TMEM135: variants seen among roughly 807,000 people sequenced by gnomAD.
The protein encoded by TMEM135 is peroxisomal membrane protein 52.
TMEM135 carries 30 observed loss-of-function variants against 60.3 expected under a neutral mutation model. The ratio of observed to expected loss-of-function variants is 0.50; its 90% CI spans 0.37 to 0.68. The LOEUF is 0.68. Ranked by LOEUF, TMEM135 falls within the 30% of genes least tolerant of loss-of-function variation. The pLI is 0.00. For synonymous variants in TMEM135, 190 were observed against 186.7 expected (o/e 1.02, Z -0.14); for missense variants, 468 against 548.8 (o/e 0.85, Z 1.47).
At chr11:87,174,322 A>T (rs1415208627) in intron 5 of TMEM135, among the ~76,000 whole-genome samples, 2 of 152,286 alleles carry the variant, frequency 1.3e-5, no homozygotes, top group African/African-American at 4.8e-5. Context: ...TTCTATTAAC[A>T]TGATTCACTT....
intron 6 of TMEM135, among the ~76,000 whole-genome samples, chr11:87,286,982 TATA>T (rs991806236): frequency 3.9e-5 from 6 of 152,248 alleles, no homozygotes; most frequent in African/African-American, 1.2e-4. Flanking sequence ...AGATGGCTGA[TATA>T]ATCAGAATAG....
rs1489229625 is a variant in TMEM135 at position 87,247,095 on chromosome 11, G to C, written c.509+10411G>C. On this transcript the variant is annotated intron_variant, in intron 6 of 14. Transcript: ENST00000305494. ...AGACAGGACGCTCAGCTGCAGGTCT[G>C]TTGGAGTTTGCTAGAGGTCCACTCC... is the stretch of plus-strand genomic sequence containing the variant. Among the ~76,000 whole-genome samples the C allele has an allele frequency of 4.6e-5, 7 of 150,572 alleles. No individual in the cohort carries two copies. In the South Asian group the frequency reaches 6.4e-4, roughly 14 times the overall value.
chr11:87,314,445 C>T, intron 11 of TMEM135, 26 bp from the exon 12 acceptor site: 2 of 1,551,208 alleles, frequency 1.3e-6, no homozygotes, highest in Middle Eastern at 1.7e-4. Flanking sequence ...GCGATCTTAT[C>T]AGTTATTTCT....
intron 5 of TMEM135, among the ~76,000 whole-genome samples, chr11:87,158,613 C>T (rs1938770536): frequency 6.7e-6 from 1 of 148,354 alleles, no homozygotes; most frequent in South Asian, 2.2e-4. Context: ...AGGTGCCCGC[C>T]ACAACGCCCG....
intron 5 of TMEM135, among the ~76,000 whole-genome samples, chr11:87,209,741 A>T (rs1308698836): frequency 6.6e-6 from 1 of 152,148 alleles, no homozygotes; most frequent in African/African-American, 2.4e-5. Context: ...AACACATGTT[A>T]CATACTCTAA....
rs752802886 is a variant in TMEM135, at chr11:87,302,417, C to T, written c.673C>T (p.Leu225=). 8.1e-6 allele frequency: 13 copies of T among 1,613,760 alleles called. No individual in the cohort carries two copies. In the Admixed American group the frequency reaches 2.2e-4, roughly 27 times the overall value. ...ACCCGGAAGAATGAATATGATTGGTCTAGTCAGGAAATTTGTGGATTCAAT... is the reference window on the plus strand; with the variant it reads ...ACCCGGAAGAATGAATATGATTGGTTTAGTCAGGAAATTTGTGGATTCAAT... ...EKPGRMNMIG[L]VRKFVDSICK... Residue 225 remains leucine, a synonymous_variant, in exon 8 of 15, where the codon CTA becomes TTA. Transcript: ENST00000305494.
intron 14 of TMEM135, 53 bp downstream of exon 14, chr11:87,319,430 G>A (rs1046407014): frequency 7.7e-7 from 1 of 1,295,628 alleles, no homozygotes; most frequent in African/African-American, 1.5e-5. Context: ...TTATCTTTTT[G>A]AGGGAATATT....
At chr11:87,219,557 T>C (rs1940573914) in intron 5 of TMEM135, among the ~76,000 whole-genome samples, 1 of 152,132 alleles carries the variant, frequency 6.6e-6, no homozygotes, top group Non-Finnish European at 1.5e-5. Flanking sequence ...GAGCTCTCTC[T>C]GGTGTTGCTT....
At chr11:87,307,445 C>T (rs1005116485) in intron 9 of TMEM135, among the ~76,000 whole-genome samples, 2 of 151,132 alleles carry the variant, frequency 1.3e-5, no homozygotes, top group African/African-American at 4.9e-5. Context: ...TTTATTATTC[C>T]TTCCAACTGA....
rs11340916 is a variant in TMEM135 at position 87,276,665 on chromosome 11, ATTT to A, written c.510-19098_510-19096del. Among the ~76,000 whole-genome samples the A allele has an allele frequency of 2.4e-4, 28 of 115,634 alleles. 1 individual carries two copies. Among genetic ancestry groups the A allele is most frequent in the African/African-American group, 4.4e-4 (13 of 29,860 alleles). 75.9% of individuals were successfully genotyped at this position (115,634 alleles called of 152,430 possible). On this transcript the variant is annotated intron_variant, in intron 6 of 14. Transcript: ENST00000305494. ...AAAACTTCTTTTAGTGTGTTTGTGAATTTTTTTTTTTTTTTTTTTTTGAGATGG... is the reference window on the plus strand; with the variant it reads ...AAAACTTCTTTTAGTGTGTTTGTGAATTTTTTTTTTTTTTTTTTGAGATGG...
At position 87,236,546 on chromosome 11, in the gene TMEM135, G is replaced by A. The variant is rs1444659949; in HGVS notation, c.463-92G>A. On this transcript the variant is annotated intron_variant, in intron 5 of 14. Coordinates refer to ENST00000305494, the MANE Select transcript of TMEM135 (RefSeq NM_022918.4). The stretch of plus-strand genomic sequence containing the variant: ...TTTGTATATCCTTTTATTGTTTCAG[G>A]CACAAGATTTAATAGTATTTTGCTT... 2 of 1,030,726 alleles carry A rather than the reference G, an allele frequency of 1.9e-6. 1 individual carries two copies. The highest frequency in any genetic ancestry group is 3.0e-6 in the Non-Finnish European group (2 of 656,000). The allele number at this position is 1,030,726 out of a possible 1,614,324, so 63.8% of individuals were successfully genotyped here. A position where few individuals can be genotyped will look rare whatever the true frequency, so the allele number is the denominator to read the frequency against.
At chr11:87,136,731 G>T (rs1938111652) in intron 4 of TMEM135, among the ~76,000 whole-genome samples, 1 of 151,524 alleles carries the variant, frequency 6.6e-6, no homozygotes, top group East Asian at 1.9e-4. Context: ...GTGGTAGTTT[G>T]TGTCTTCCAA....
chr11:87,194,743 A>G (rs563463321), intron 5 of TMEM135, among the ~76,000 whole-genome samples: 32 of 150,470 alleles, frequency 2.1e-4, no homozygotes, highest in Admixed American at 4.6e-4. Context: ...TAGTTGCTGT[A>G]AGTATGGAAA....
intron 1 of TMEM135, among the ~76,000 whole-genome samples, chr11:87,045,186 C>A (rs529022552): frequency 1.3e-5 from 2 of 151,920 alleles, no homozygotes; most frequent in African/African-American, 2.4e-5. Flanking sequence ...CCTGCCACCA[C>A]GCCCAGCTAA....
In TMEM135 at chr11:87,222,359, G is replaced by A. The variant is rs1171352086; in HGVS notation, c.463-14279G>A. Among the ~76,000 whole-genome samples the A allele has an allele frequency of 1.2e-3, 185 of 149,450 alleles. 1 individual carries two copies. Among genetic ancestry groups the A allele is most frequent in the African/African-American group, 4.4e-3 (179 of 40,576 alleles). The stretch of plus-strand genomic sequence containing the variant: ...AAAATGCAAAAAAAATTCGCTGGGC[G>A]TGGTGGCGGGCGCCTGTAGTCCCAG... On this transcript the variant is annotated intron_variant, in intron 5 of 14. Coordinates refer to ENST00000305494, the MANE Select transcript of TMEM135 (RefSeq NM_022918.4).
At chr11:87,139,950 G>T (rs542929644) in intron 4 of TMEM135, among the ~76,000 whole-genome samples, 1 of 151,972 alleles carries the variant, frequency 6.6e-6, no homozygotes, top group Admixed American at 6.6e-5. Flanking sequence ...TCAATTTTTT[G>T]GGTTGTGTAG....
intron 3 of TMEM135, among the ~76,000 whole-genome samples, chr11:87,072,588 G>A (rs1428627829): frequency 1.3e-5 from 2 of 151,894 alleles, no homozygotes; most frequent in African/African-American, 4.8e-5. Context: ...TCACCATGTT[G>A]GCCAGGCTGG....
At chr11:87,273,065 T>G (rs1941899828) in intron 6 of TMEM135, among the ~76,000 whole-genome samples, 1 of 152,158 alleles carries the variant, frequency 6.6e-6, no homozygotes, top group African/African-American at 2.4e-5. Flanking sequence ...TAAAAACCTC[T>G]TATATTTATT....
At chr11:87,132,448 A>C (rs1472276816) in intron 4 of TMEM135, among the ~76,000 whole-genome samples, 1 of 152,192 alleles carries the variant, frequency 6.6e-6, no homozygotes, top group East Asian at 1.9e-4. Flanking sequence ...TTTAAGAGTT[A>C]ATTAGTAGTA....
Sources: gnomAD v4.1 joint callset for allele counts (sites outside exome capture counted in the v4.1 genomes callset) on GRCh38, gnomAD v4.1.1 for gene constraint, MANE v1.5 for transcripts, NCBI Gene and HGNC (gene_info 2026-07-23, HGNC 2026-07-21) for gene names.